Variants in SEC16A observed in about 807,000 individuals in gnomAD.
SEC16A encodes protein transport protein Sec16A.
Under a neutral mutation model 221.9 loss-of-function variants are expected in SEC16A, and 110 were observed. That is an observed-to-expected ratio of 0.50 (90% CI 0.42 to 0.58). SEC16A has a LOEUF of 0.58. Ranked by LOEUF, SEC16A falls within the 20% of genes least tolerant of loss-of-function variation. The pLI is 0.00. For synonymous variants in SEC16A, 1,393 were observed against 1,257.7 expected (o/e 1.11, Z -2.28); for missense variants, 3,165 against 3,097.8 (o/e 1.02, Z -0.52).
At position 136,463,668 on chromosome 9, in the gene SEC16A, A is replaced by G. The variant is rs1839794348; in HGVS notation, c.4508+11T>C. Reference sequence around the variant, plus strand: ...CGGGCTCACAAAGAAATGCCTCAACAAGGAACATACTTGGCCAGGGGTCCC... The same window carrying G: ...CGGGCTCACAAAGAAATGCCTCAACGAGGAACATACTTGGCCAGGGGTCCC... On this transcript the variant is annotated intron_variant, in intron 10 of 31. Transcript: ENST00000684901. The G allele has an allele frequency of 6.2e-7, 1 of 1,613,396 alleles. No homozygotes were observed. Among genetic ancestry groups the G allele is most frequent in the African/African-American group, 1.3e-5 (1 of 74,948 alleles).
intron 4 of SEC16A, among the ~76,000 whole-genome samples, chr9:136,471,332 G>A (rs1448780091): frequency 6.6e-6 from 1 of 152,120 alleles, no homozygotes; most frequent in Non-Finnish European, 1.5e-5. Context: ...AAATTAGCTG[G>A]GTTTGATGGG....
chr9:136,474,839 A>G lies in SEC16A; in HGVS notation c.2777T>C (p.Val926Ala). The G allele has an allele frequency of 6.2e-7, 1 of 1,613,922 alleles. No homozygotes were observed. Among genetic ancestry groups the G allele is most frequent in the Non-Finnish European group, 8.5e-7 (1 of 1,179,892 alleles). Residue 926 changes from valine (V) to alanine (A), a missense_variant, in exon 3 of 32, where the codon GTT becomes GCT. Around this residue, in one of 3 missense-constraint regions of SEC16A, gnomAD observed 2,030 missense variants for 1,923.1 expected, o/e 1.06. Coordinates refer to ENST00000684901, the MANE Select transcript of SEC16A (RefSeq NM_014866.2). Reference sequence around the variant, plus strand: ...TGGAACTGGCTGGGATGGTGGTTGAACCAGCAAATTAGCAGGCTGATTAGA... The same window carrying G: ...TGGAACTGGCTGGGATGGTGGTTGAGCCAGCAAATTAGCAGGCTGATTAGA... ...MVSNQPANLL[V>A]QPPSQPVPEN...
intron 1 of SEC16A, among the ~76,000 whole-genome samples, chr9:136,479,409 G>A (rs937236492): frequency 6.6e-6 from 1 of 152,078 alleles, no homozygotes; most frequent in Admixed American, 6.5e-5. Context: ...CTGGGGTGCA[G>A]TGGTGCGATC....
chr9:136,467,206 T>C lies in SEC16A; in HGVS notation c.3803-123A>G. On this transcript the variant is annotated intron_variant, in intron 5 of 31. Transcript: ENST00000684901. ...CCAAGGACTCCTCGAGAAACCCAGC[T>C]TCTTCCTGGAAACCAGCACGACACC... 3 of 1,138,500 alleles carry C rather than the reference T, an allele frequency of 2.6e-6. 1 individual carries two copies. The South Asian group carries it at 4.4e-5, about 17-fold the overall frequency. 70.5% of individuals were successfully genotyped at this position (1,138,500 alleles called of 1,614,324 possible).
chr9:136,473,900 G>T, intron 3 of SEC16A, 149 bp downstream of exon 3: 1 of 839,072 alleles, frequency 1.2e-6, no homozygotes, highest in Non-Finnish European at 1.8e-6. Context: ...CTCAGGAAGC[G>T]TTACTGGAAT....
At chr9:136,460,407 A>T (rs1022420411) in intron 13 of SEC16A, among the ~76,000 whole-genome samples, 17 of 152,284 alleles carry the variant, frequency 1.1e-4, no homozygotes, top group Middle Eastern at 3.4e-3. Context: ...GTGAGCTGGG[A>T]TCGTGCCACT....
At chr9:136,460,555 G>A (rs1436327378) in intron 13 of SEC16A, among the ~76,000 whole-genome samples, 1 of 150,344 alleles carries the variant, frequency 6.7e-6, no homozygotes, top group Non-Finnish European at 1.5e-5. Flanking sequence ...CTTAGGCAAA[G>A]TACACACATC....
At chr9:136,483,456 C>T, upstream of SEC16A, 1 of 814,890 alleles carries the variant, frequency 1.2e-6, no homozygotes, top group Non-Finnish European at 1.5e-6. Context: ...GCCCCTCGGC[C>T]GTCCTTCCCC....
In SEC16A at chr9:136,455,587, G is replaced by A. The variant is rs778750948; in HGVS notation, c.5857+14C>T. 32 of 1,540,576 alleles carry A rather than the reference G, an allele frequency of 2.1e-5. No homozygotes were observed. Among genetic ancestry groups the A allele is most frequent in the Middle Eastern group, 2.3e-4 (1 of 4,408 alleles). On this transcript the variant is annotated intron_variant, in intron 20 of 31. Coordinates refer to ENST00000684901, the MANE Select transcript of SEC16A (RefSeq NM_014866.2). The stretch of plus-strand genomic sequence containing the variant: ...GGGCTTGTCTGAGGGCAGCAGCCGC[G>A]CACCTGGGCTCACCTGAGGGCAGCA...
chr9:136,465,857 A>T, intron 8 of SEC16A, 105 bp downstream of exon 8: 1 of 1,182,042 alleles, frequency 8.5e-7, no homozygotes, highest in Non-Finnish European at 1.2e-6. Context: ...CCAGGCCAGG[A>T]CATCACAATT....
upstream of SEC16A, chr9:136,484,608 G>T (rs571042719): frequency 5.1e-6 from 7 of 1,359,674 alleles, no homozygotes; most frequent in South Asian, 1.1e-5. Context: ...GTCCTCCCTG[G>T]GTGGGAGCCA....
intron 5 of SEC16A, among the ~76,000 whole-genome samples, chr9:136,467,388 A>G (rs952865494): frequency 5.9e-5 from 9 of 152,242 alleles, no homozygotes; most frequent in Admixed American, 3.9e-4. Context: ...TTTCTTAAAC[A>G]GAGATGGGGT....
Position 136,477,471 on chromosome 9 carries a change from G to C in SEC16A, c.145C>G (p.Gln49Glu). ...AAVAPTTCPL[Q>E]PVTDPFAFSR... ...AAAGCAAATGGATCCGTGACCGGCT[G>C]CAACGGGCAAGTTGTCGGAGCCACT... The change falls in exon 3 of 32, where the codon CAG becomes GAG. Residue 49 changes from glutamine (Q) to glutamate (E), a missense_variant. Gln to Glu is a conservative substitution (Grantham distance 29, BLOSUM62 2). Transcript: ENST00000684901. The C allele has an allele frequency of 6.2e-7, 1 of 1,614,026 alleles. No individual in the cohort carries two copies. Among genetic ancestry groups the C allele is most frequent in the Non-Finnish European group, 8.5e-7 (1 of 1,179,910 alleles).
Position 136,476,605 on chromosome 9 carries a change from G to A in SEC16A, c.1011C>T (p.Leu337=), listed in dbSNP as rs574501470. Residue 337 remains leucine, a synonymous_variant, in exon 3 of 32, where the codon CTC becomes CTT. Transcript: ENST00000684901. ...HRPASALVNP[L]ARGDSPENRT... ...GGTTTTCTGGGCTATCTCCCCGGGC[G>A]AGGGGGTTCACAAGAGCAGAGGCGG... The A allele has an allele frequency of 2.3e-5, 37 of 1,597,680 alleles. No homozygotes were observed. The highest frequency in any genetic ancestry group is 9.0e-5 in the South Asian group (8 of 88,906).
rs780095186 is a variant in SEC16A, at chr9:136,476,884, G to A, written c.732C>T (p.Ala244=). The A allele has an allele frequency of 1.2e-6, 2 of 1,611,884 alleles. No individual in the cohort carries two copies. The highest frequency in any genetic ancestry group is 2.2e-5 in the South Asian group (2 of 91,048). ...EGPVPSGVPC[A]TSVPHFPTPS... Reference sequence around the variant, plus strand: ...GGGTGGGGAAATGAGGAACGCTGGTGGCACAGGGCACCCCGCTGGGAACAG... The same window carrying A: ...GGGTGGGGAAATGAGGAACGCTGGTAGCACAGGGCACCCCGCTGGGAACAG... Residue 244 remains alanine, a synonymous_variant, in exon 3 of 32, where the codon GCC becomes GCT. Transcript: ENST00000684901.
rs35219967 is a variant in SEC16A at position 136,480,886 on chromosome 9, C to CAA, written c.-192+2050_-192+2051dup. On this transcript the variant is annotated intron_variant, in intron 1 of 31. Coordinates refer to ENST00000684901, the MANE Select transcript of SEC16A (RefSeq NM_014866.2). ...GCCTGGGCAGAGCGAGACTCCGTCTCAAAAAAAAAAAAATTATTCCGCAGC... is the reference window on the plus strand; with the variant it reads ...GCCTGGGCAGAGCGAGACTCCGTCTCAAAAAAAAAAAAAAATTATTCCGCAGC... 4.9e-3 allele frequency among the ~76,000 whole-genome samples: 715 copies of CAA among 145,340 alleles called. 2 individuals are homozygous for CAA. The highest frequency in any genetic ancestry group is 7.5e-3 in the Non-Finnish European group (496 of 66,136).
intron 1 of SEC16A, among the ~76,000 whole-genome samples, chr9:136,480,886 CAAA>C (rs35219967): frequency 6.9e-6 from 1 of 145,272 alleles, no homozygotes; most frequent in African/African-American, 2.6e-5. Context: ...GACTCCGTCT[CAAA>C]AAAAAAAAAA....
chr9:136,474,349 T>G lies in SEC16A; in HGVS notation c.3267A>C (p.Ala1089=), dbSNP rs768291665. Residue 1089 remains alanine (A), a synonymous_variant, in exon 3 of 32, where the codon GCA becomes GCC. Coordinates refer to ENST00000684901, the MANE Select transcript of SEC16A (RefSeq NM_014866.2). ...SELSNPESLP[A]QGQAQNSAQS... ...GTGCTGAGTTCTGGGCCTGTCCCTG[T>G]GCGGGCAGACTTTCTGGATTTGACA... The G allele has an allele frequency of 1.9e-6, 3 of 1,612,686 alleles. No individual in the cohort carries two copies. In the South Asian group the frequency reaches 3.3e-5, roughly 18 times the overall value.
At chr9:136,478,328 G>A (rs1199565133) in intron 2 of SEC16A, among the ~76,000 whole-genome samples, 1 of 151,124 alleles carries the variant, frequency 6.6e-6, no homozygotes, top group African/African-American at 2.4e-5. Flanking sequence ...GCGTCAGCCT[G>A]GGAGGTTGAG....
Sources: gnomAD v4.1 joint callset for allele counts (sites outside exome capture counted in the v4.1 genomes callset) on GRCh38, gnomAD v4.1.1 for gene constraint, gnomAD v4.1.1 regional missense constraint, MANE v1.5 for transcripts, NCBI Gene and HGNC (gene_info 2026-07-23, HGNC 2026-07-21) for gene names.